Variants in CAST observed in about 807,000 individuals in gnomAD.
The protein encoded by CAST is MIR583 host.
In CAST, 76 loss-of-function variants were observed where a neutral mutation model predicts 119.6. The ratio of observed to expected loss-of-function variants is 0.64; its 90% CI spans 0.53 to 0.77. The LOEUF is 0.77. Ranked by LOEUF, CAST falls within the 30% of genes least tolerant of loss-of-function variation. CAST has a pLI of 0.00. For synonymous variants in CAST, 319 were observed against 331.6 expected (o/e 0.96, Z 0.41); for missense variants, 953 against 946.5 (o/e 1.01, Z -0.09).
intron 21 of CAST, 72 bp downstream of exon 21, chr5:96,754,233 C>A: frequency 1.1e-6 from 1 of 950,270 alleles, no homozygotes; most frequent in South Asian, 1.3e-5. Context: ...ATAAGTTAGT[C>A]ATTTGTTTTG....
intron 16 of CAST, among the ~76,000 whole-genome samples, chr5:96,744,320 T>C (rs1056920583): frequency 1.3e-5 from 2 of 152,182 alleles, no homozygotes; most frequent in Non-Finnish European, 2.9e-5. Context: ...TCCTCATGGC[T>C]AGGGAGGCCT....
intron 4 of CAST, among the ~76,000 whole-genome samples, chr5:96,723,031 C>T (rs933268757): frequency 2.0e-5 from 3 of 152,176 alleles, no homozygotes; most frequent in African/African-American, 7.2e-5. Context: ...CAGCCCCAAC[C>T]TCCTGGACTC....
At chr5:96,689,021 C>CAA in intron 2 of CAST, among the ~76,000 whole-genome samples, 1 of 125,664 alleles carries the variant, frequency 8.0e-6, no homozygotes, top group African/African-American at 3.7e-5. Context: ...GGTGGGGGCA[C>CAA]ACACACGTGT....
the CAST span, among the ~76,000 whole-genome samples, chr5:96,072,039 GA>G: frequency 6.6e-6 from 1 of 152,092 alleles, no homozygotes; most frequent in Non-Finnish European, 1.5e-5. Flanking sequence ...ATATTGATTA[GA>G]AAAGAAAACT....
chr5:96,722,380 G>A (rs149880000), intron 3 of CAST, among the ~76,000 whole-genome samples: 5 of 152,172 alleles, frequency 3.3e-5, no homozygotes, highest in Non-Finnish European at 7.3e-5. Flanking sequence ...AAAAATTGAG[G>A]TTGGGAAACT....
chr5:95,980,541 A>T, the CAST span: 1 of 152,206 alleles, frequency 6.6e-6, no homozygotes, highest in Non-Finnish European at 1.5e-5. Context: ...TTTAAAAAGC[A>T]AGAAAATTAA....
At chr5:96,688,965 C>T (rs1198755519) in intron 2 of CAST, among the ~76,000 whole-genome samples, 1 of 151,772 alleles carries the variant, frequency 6.6e-6, no homozygotes, top group Non-Finnish European at 1.5e-5. Context: ...GCTGCTGCTG[C>T]TGTGTGTGTG....
At chr5:96,454,852 A>G in the CAST span, among the ~76,000 whole-genome samples, 2 of 152,210 alleles carry the variant, frequency 1.3e-5, no homozygotes, top group East Asian at 3.8e-4. Flanking sequence ...TTCGGTGCTA[A>G]TATGCTTTTA....
At chr5:96,513,528 A>G in the CAST span, among the ~76,000 whole-genome samples, 1 of 152,166 alleles carries the variant, frequency 6.6e-6, no homozygotes, top group African/African-American at 2.4e-5. Context: ...ATTAAGCAAG[A>G]CTGTGGCCAG....
the CAST span, among the ~76,000 whole-genome samples, chr5:96,201,705 C>T: frequency 6.6e-6 from 1 of 151,888 alleles, no homozygotes; most frequent in Non-Finnish European, 1.5e-5. Context: ...GTCCCTGCTC[C>T]AATACCACCA....
At chr5:96,412,962 A>C in the CAST span, 10 of 1,013,088 alleles carry the variant, frequency 9.9e-6, no homozygotes, top group Non-Finnish European at 1.2e-5. Flanking sequence ...CTGGTGATGC[A>C]CCTCCTCATG....
chr5:96,483,308 G>A, the CAST span, among the ~76,000 whole-genome samples: 3 of 152,130 alleles, frequency 2.0e-5, no homozygotes, highest in East Asian at 3.9e-4. Context: ...AAATAAGAAC[G>A]GGTGCTGACC....
rs767817408 is a variant in CAST, at chr5:96,763,266, C to G, written c.1932+894C>G. 3 of 780,470 alleles carry G rather than the reference C, an allele frequency of 3.8e-6. No individual in the cohort carries two copies. The South Asian group carries it at 4.0e-5, about 10-fold the overall frequency. 48.3% of individuals were successfully genotyped at this position (780,470 alleles called of 1,614,324 possible). A position where few individuals can be genotyped will look rare whatever the true frequency, so the allele number is the denominator to read the frequency against. On this transcript the variant is annotated intron_variant, in intron 25 of 31. Coordinates refer to ENST00000675179, the MANE Select transcript of CAST (RefSeq NM_001750.7). The stretch of plus-strand genomic sequence containing the variant: ...AGAGGCACAAATGACAAAGCCCAGA[C>G]CTGGCCCCGGGCAGCTCTACCATTA...
intron 1 of CAST, among the ~76,000 whole-genome samples, chr5:96,629,890 T>C (rs775890267): frequency 3.3e-5 from 5 of 152,222 alleles, no homozygotes; most frequent in Non-Finnish European, 5.9e-5. Context: ...TATGAAGTAC[T>C]ATGAATTTGC....
At chr5:96,406,332 G>A in the CAST span, among the ~76,000 whole-genome samples, 1 of 152,158 alleles carries the variant, frequency 6.6e-6, no homozygotes, top group Non-Finnish European at 1.5e-5. Context: ...GCTGATGCCA[G>A]TCTCAGCTTG....
At chr5:96,385,340 A>T in the CAST span, among the ~76,000 whole-genome samples, 2 of 152,246 alleles carry the variant, frequency 1.3e-5, no homozygotes, top group Non-Finnish European at 2.9e-5. Flanking sequence ...TGTTCCTGGA[A>T]GCATGAGATT....
the CAST span, among the ~76,000 whole-genome samples, chr5:96,155,521 A>G: frequency 6.6e-6 from 1 of 152,168 alleles, no homozygotes; most frequent in Non-Finnish European, 1.5e-5. Flanking sequence ...ATGCATTTTC[A>G]TGGAAACTCT....
the CAST span, among the ~76,000 whole-genome samples, chr5:96,051,460 A>G: frequency 1.3e-5 from 2 of 152,226 alleles, no homozygotes; most frequent in Non-Finnish European, 2.9e-5. Flanking sequence ...CAAGTTAAGC[A>G]GCTAGCCTGG....
chr5:96,558,761 C>T (rs1231124682), intron 1 of CAST, among the ~76,000 whole-genome samples: 4 of 152,286 alleles, frequency 2.6e-5, no homozygotes, highest in East Asian at 3.9e-4. Context: ...GATTCACAGC[C>T]GAATTCTACC....
Sources: gnomAD v4.1 joint callset for allele counts (sites outside exome capture counted in the v4.1 genomes callset) on GRCh38, gnomAD v4.1.1 for gene constraint, MANE v1.5 for transcripts, NCBI Gene and HGNC (gene_info 2026-07-23, HGNC 2026-07-21) for gene names.